The following RAB10 variants were observed in gnomAD, a reference collection of about 807,000 sequenced individuals.
RAB10 encodes ras-related protein Rab-10.
In RAB10, 5 loss-of-function variants were observed where a neutral mutation model predicts 25.7. The observed-to-expected ratio is 0.19, with a 90% confidence interval of 0.10 to 0.41. The LOEUF (loss-of-function observed/expected upper bound fraction) is 0.41. Among genes scored for constraint, RAB10 ranks in the 10% least tolerant of loss-of-function variants. The probability of loss-of-function intolerance (pLI) is 1.00; values close to 1 mark genes in which losing one functional copy is unlikely to be tolerated. For missense variants in RAB10, 103 were observed against 245.8 expected (o/e 0.42, Z 3.89); for synonymous variants, 89 against 86.4 (o/e 1.03, Z -0.16).
chr2:26,117,965 A>T lies in RAB10; in HGVS notation c.327+8059A>T, dbSNP rs557919326. ...AAGTCTCAGATTATTTCTCTAATAGATATAAAAAGATGTTCTTTTTTTTTG... is the reference window on the plus strand; with the variant it reads ...AAGTCTCAGATTATTTCTCTAATAGTTATAAAAAGATGTTCTTTTTTTTTG... On this transcript the variant is annotated intron_variant, in intron 3 of 5. Coordinates refer to ENST00000264710, the MANE Select transcript of RAB10 (RefSeq NM_016131.5). Among the ~76,000 whole-genome samples, 8 of 152,290 alleles carry T rather than the reference A, an allele frequency of 5.3e-5. 1 individual carries two copies. The highest frequency in any genetic ancestry group is 1.9e-4 in the African/African-American group (8 of 41,564).
chr2:26,107,483 G>C (rs1003664925), intron 2 of RAB10, among the ~76,000 whole-genome samples: 1 of 151,978 alleles, frequency 6.6e-6, no homozygotes, highest in Non-Finnish European at 1.5e-5. Flanking sequence ...TCAAAAGTCA[G>C]CAGTAAAAAG....
At chr2:26,090,897 G>A (rs188706773) in intron 1 of RAB10, among the ~76,000 whole-genome samples, 31 of 149,852 alleles carry the variant, frequency 2.1e-4, no homozygotes, top group Admixed American at 1.5e-3. Context: ...TCATGCCACC[G>A]CATTCAAGCT....
At chr2:26,109,592 G>T (rs1030274967) in intron 2 of RAB10, among the ~76,000 whole-genome samples, 176 bp from the exon 3 acceptor site, 1 of 152,162 alleles carries the variant, frequency 6.6e-6, no homozygotes, top group African/African-American at 2.4e-5. Flanking sequence ...TGAGTTTTAT[G>T]TGTCACTTCC....
At chr2:26,065,421 CT>C (rs546247772) in intron 1 of RAB10, among the ~76,000 whole-genome samples, 2 of 152,004 alleles carry the variant, frequency 1.3e-5, no homozygotes, top group Non-Finnish European at 2.9e-5. Flanking sequence ...ATGGTCAACA[CT>C]TTCATTTGGC....
chr2:26,053,541 A>G (rs1176900567), intron 1 of RAB10, among the ~76,000 whole-genome samples: 1 of 152,216 alleles, frequency 6.6e-6, no homozygotes, highest in African/African-American at 2.4e-5. Context: ...CCTATATATC[A>G]TAGCATTTGG....
intron 2 of RAB10, among the ~76,000 whole-genome samples, chr2:26,102,439 C>CTTTTTTT (rs562310195): frequency 3.2e-5 from 4 of 124,372 alleles, no homozygotes; most frequent in African/African-American, 1.3e-4. Flanking sequence ...TTTTTTCTTT[C>CTTTTTTT]TTTTTTTTTT....
At chr2:26,080,954 C>T (rs1426134000) in intron 1 of RAB10, among the ~76,000 whole-genome samples, 1 of 152,300 alleles carries the variant, frequency 6.6e-6, no homozygotes, top group Non-Finnish European at 1.5e-5. Flanking sequence ...GCTGTGTCCC[C>T]ACCCAAATCT....
At chr2:26,116,225 C>G (rs928105316) in intron 3 of RAB10, among the ~76,000 whole-genome samples, 2 of 151,972 alleles carry the variant, frequency 1.3e-5, no homozygotes, top group South Asian at 4.1e-4. Flanking sequence ...ACCATGTTGC[C>G]CGGGCTGGTG....
At chr2:26,104,597 T>TTTTC (rs1667430220) in intron 2 of RAB10, among the ~76,000 whole-genome samples, 2 of 152,154 alleles carry the variant, frequency 1.3e-5, no homozygotes, top group South Asian at 4.1e-4. Context: ...TTTACCTGTT[T>TTTTC]TTTCTTTTGT....
At chr2:26,069,055 A>C (rs976400974) in intron 1 of RAB10, among the ~76,000 whole-genome samples, 11 of 152,118 alleles carry the variant, frequency 7.2e-5, no homozygotes, top group African/African-American at 2.2e-4. Context: ...TCTTAATTTC[A>C]ACTGATAATT....
At chr2:26,066,852 G>A (rs992243476) in intron 1 of RAB10, among the ~76,000 whole-genome samples, 16 of 144,894 alleles carry the variant, frequency 1.1e-4, no homozygotes, top group African/African-American at 3.9e-4. Context: ...GCACAATCTC[G>A]GCTCACTGCA....
intron 1 of RAB10, among the ~76,000 whole-genome samples, chr2:26,094,364 ATC>A (rs1667167420): frequency 6.9e-6 from 1 of 145,086 alleles, no homozygotes; most frequent in African/African-American, 2.6e-5. Context: ...CAATTCCCCT[ATC>A]TCAGCCTCCC....
intron 1 of RAB10, among the ~76,000 whole-genome samples, chr2:26,069,620 C>A (rs765596139): frequency 2.6e-5 from 4 of 151,868 alleles, no homozygotes; most frequent in Non-Finnish European, 5.9e-5. Context: ...GAGCCCAGAT[C>A]GCACCACTGC....
chr2:26,092,431 G>T lies in RAB10; in HGVS notation c.128-6231G>T, dbSNP rs1256869745. ...CATATAGGTAACTTCGAAGAAGTTT[G>T]GTAAAAACAAAAAGTGAAATAGAGA... On this transcript the variant is annotated intron_variant, in intron 1 of 5. Coordinates refer to ENST00000264710, the MANE Select transcript of RAB10 (RefSeq NM_016131.5). Among the ~76,000 whole-genome samples the T allele has an allele frequency of 2.0e-5, 3 of 151,758 alleles. No homozygotes were observed. In the East Asian group the frequency reaches 5.8e-4, roughly 29 times the overall value.
intron 3 of RAB10, among the ~76,000 whole-genome samples, chr2:26,114,768 G>A (rs1490428876): frequency 6.9e-6 from 1 of 144,280 alleles, no homozygotes; most frequent in Non-Finnish European, 1.5e-5. Context: ...AGTCGGGTAT[G>A]GTGGTATGCA....
At position 26,135,788 on chromosome 2, in the gene RAB10, C is replaced by A; in HGVS notation, c.*767C>A. 1 of 152,798 alleles carries A rather than the reference C, an allele frequency of 6.5e-6. No homozygotes were observed. 9.5% of individuals were successfully genotyped at this position (152,798 alleles called of 1,614,324 possible). A position where few individuals can be genotyped will look rare whatever the true frequency, so the allele number is the denominator to read the frequency against. ...CCTTGGCCACTTCTTCCTTGCGTCT[C>A]CCTGCATGCTGCTTTATTTGCTTCT... On this transcript the variant is annotated 3_prime_UTR_variant, in exon 6 of 6. Coordinates refer to ENST00000264710, the MANE Select transcript of RAB10 (RefSeq NM_016131.5).
chr2:26,132,064 A>C (rs867648893), intron 5 of RAB10, among the ~76,000 whole-genome samples: 58 of 152,228 alleles, frequency 3.8e-4, no homozygotes, highest in African/African-American at 1.3e-3. Context: ...TGCAATTTTG[A>C]TAAATACAGC....
At chr2:26,035,459 G>A (rs955018076) in intron 1 of RAB10, among the ~76,000 whole-genome samples, 1 of 152,194 alleles carries the variant, frequency 6.6e-6, no homozygotes, top group Non-Finnish European at 1.5e-5. Flanking sequence ...GCCAGTCATA[G>A]CCCTATGGAC....
intron 2 of RAB10, chr2:26,102,166 C>G (rs1667356023): frequency 6.6e-6 from 1 of 152,222 alleles, no homozygotes; most frequent in East Asian, 1.9e-4. Context: ...GGCTTAATCT[C>G]TTTTCTTGCT....
Sources: allele counts gnomAD v4.1 joint callset (sites outside exome capture counted in the v4.1 genomes callset), GRCh38; gene constraint gnomAD v4.1.1; transcripts MANE v1.5; gene names NCBI Gene and HGNC (gene_info 2026-07-23, HGNC 2026-07-21).